The following LRP1B variants were observed in gnomAD, a reference collection of about 807,000 sequenced individuals.
LRP1B encodes the protein LDL receptor related protein 1B.
In LRP1B, 217 loss-of-function variants were observed where a neutral mutation model predicts 556.6. The observed-to-expected ratio is 0.39, with a 90% CI of 0.35 to 0.44. The LOEUF is 0.44. LRP1B is among the 20% of genes least tolerant of loss of function. The pLI, the probability that LRP1B is intolerant of heterozygous loss-of-function variation, is 1.00. For missense variants in LRP1B, 5,053 were observed against 5,620.8 expected, an observed-to-expected ratio of 0.90 and a Z score of 3.23; for synonymous variants, 2,047 against 1,865.8, an observed-to-expected ratio of 1.10 and a Z score of -2.50.
intron 1 of LRP1B, among the ~76,000 whole-genome samples, chr2:141,990,211 T>C (rs1482731225): frequency 6.6e-6 from 1 of 152,092 alleles, no homozygotes; most frequent in Non-Finnish European, 1.5e-5. Flanking sequence ...TTTCAGCAAT[T>C]AGAAGGCTGA....
chr2:140,628,406 G>C (rs779779738), intron 41 of LRP1B, among the ~76,000 whole-genome samples: 2 of 151,822 alleles, frequency 1.3e-5, no homozygotes, highest in Admixed American at 1.3e-4. Context: ...GCATGGTGGC[G>C]GGTGCCTGTA....
chr2:140,337,063 T>C (rs1200050773), intron 77 of LRP1B, among the ~76,000 whole-genome samples: 4 of 151,800 alleles, frequency 2.6e-5, no homozygotes, highest in Non-Finnish European at 2.9e-5. Context: ...ATATTATCAA[T>C]CAGTGGACTT....
intron 2 of LRP1B, among the ~76,000 whole-genome samples, chr2:141,740,779 A>G (rs1277916049): frequency 1.3e-5 from 2 of 152,174 alleles, no homozygotes. Flanking sequence ...GCCACCAGCT[A>G]GAGCACTGGC....
At chr2:140,793,385 G>A (rs1011162054) in intron 32 of LRP1B, among the ~76,000 whole-genome samples, 14 of 151,886 alleles carry the variant, frequency 9.2e-5, no homozygotes, top group East Asian at 3.9e-4. Context: ...ATATATTATC[G>A]CAATATTTTA....
At chr2:140,336,529 G>A (rs559599542) in intron 77 of LRP1B, among the ~76,000 whole-genome samples, 7 of 151,832 alleles carry the variant, frequency 4.6e-5, no homozygotes, top group East Asian at 1.9e-4. Context: ...AGCAATTTAC[G>A]ATCTTTTCAG....
At chr2:140,275,900 C>A (rs1414327548) in intron 84 of LRP1B, among the ~76,000 whole-genome samples, 1 of 151,930 alleles carries the variant, frequency 6.6e-6, no homozygotes, top group Non-Finnish European at 1.5e-5. Flanking sequence ...AATAATATAA[C>A]AACCACTCTA....
At chr2:140,518,044 T>C (rs996761519) in intron 49 of LRP1B, among the ~76,000 whole-genome samples, 1 of 152,062 alleles carries the variant, frequency 6.6e-6, no homozygotes, top group Non-Finnish European at 1.5e-5. Flanking sequence ...ATCTGTTCCA[T>C]TGCTCCTTCA....
At chr2:141,503,292 T>TCA (rs1683799220) in intron 2 of LRP1B, among the ~76,000 whole-genome samples, 1 of 148,138 alleles carries the variant, frequency 6.8e-6, no homozygotes, top group Non-Finnish European at 1.5e-5. Flanking sequence ...ACAATTATTT[T>TCA]TATATATATA....
At chr2:141,644,358 T>C (rs571715836) in intron 2 of LRP1B, among the ~76,000 whole-genome samples, 3 of 152,148 alleles carry the variant, frequency 2.0e-5, no homozygotes, top group Admixed American at 2.0e-4. Flanking sequence ...GATCTCTCTC[T>C]TGCTGCCCCA....
At chr2:141,127,573 G>A (rs1482010832) in intron 7 of LRP1B, among the ~76,000 whole-genome samples, 1 of 152,186 alleles carries the variant, frequency 6.6e-6, no homozygotes, top group African/African-American at 2.4e-5. Flanking sequence ...AAAAGGATGA[G>A]TTCATGTCTT....
chr2:141,125,598 T>C (rs1188449750), intron 7 of LRP1B, among the ~76,000 whole-genome samples: 2 of 152,120 alleles, frequency 1.3e-5, no homozygotes, highest in Non-Finnish European at 1.5e-5. Flanking sequence ...CCTTGCACAG[T>C]GAAGGCACAC....
intron 2 of LRP1B, among the ~76,000 whole-genome samples, chr2:141,525,629 C>A (rs948961482): frequency 1.3e-5 from 2 of 151,902 alleles, no homozygotes; most frequent in Admixed American, 6.6e-5. Context: ...TATGTAAGAA[C>A]AATTACACTG....
At chr2:141,644,969 A>C (rs1462241361) in intron 2 of LRP1B, among the ~76,000 whole-genome samples, 1 of 152,156 alleles carries the variant, frequency 6.6e-6, no homozygotes, top group African/African-American at 2.4e-5. Flanking sequence ...TTAGGGAAAC[A>C]TAGCCTTTGA....
intron 86 of LRP1B, among the ~76,000 whole-genome samples, chr2:140,247,979 C>A (rs563158075): frequency 1.3e-5 from 2 of 151,594 alleles, no homozygotes; most frequent in South Asian, 4.2e-4. Flanking sequence ...GGCTTCAGTT[C>A]GTAGTTAAAA....
At chr2:141,296,795 G>A (rs1402570817) in intron 3 of LRP1B, among the ~76,000 whole-genome samples, 1 of 152,094 alleles carries the variant, frequency 6.6e-6, no homozygotes, top group Non-Finnish European at 1.5e-5. Flanking sequence ...TGAGGTCTGG[G>A]ATACAAATGT....
At chr2:141,036,015 A>C (rs1698523308) in intron 11 of LRP1B, among the ~76,000 whole-genome samples, 2 of 152,274 alleles carry the variant, frequency 1.3e-5, no homozygotes, top group Middle Eastern at 3.4e-3. Flanking sequence ...GCTTTGCTTA[A>C]GATGCAATGC....
intron 41 of LRP1B, among the ~76,000 whole-genome samples, chr2:140,637,739 T>C (rs1456356180): frequency 2.0e-5 from 3 of 152,186 alleles, no homozygotes; most frequent in East Asian, 1.9e-4. Flanking sequence ...CTCCACCCTA[T>C]AGCTGCTTTT....
chr2:141,341,160 G>A (rs2049154), intron 3 of LRP1B, among the ~76,000 whole-genome samples: 91,167 of 151,546 alleles, frequency 0.6, 28,255 homozygotes, highest in African/African-American at 0.68. Context: ...ATTTTAGGAA[G>A]CAAGCACAGG....
chr2:141,463,684 A>G (rs1682039931), intron 3 of LRP1B, among the ~76,000 whole-genome samples: 1 of 141,248 alleles, frequency 7.1e-6, no homozygotes, highest in African/African-American at 2.6e-5. Flanking sequence ...TTTGCTAATA[A>G]GTGGTATCTA....
Sources: allele counts gnomAD v4.1 joint callset (sites outside exome capture counted in the v4.1 genomes callset), GRCh38; gene constraint gnomAD v4.1.1; transcripts MANE v1.5; gene names NCBI Gene and HGNC (gene_info 2026-07-23, HGNC 2026-07-21).